EYS: variants seen among roughly 807,000 people sequenced by gnomAD.
EYS encodes the protein EGF-like photoreceptor maintenance factor.
In EYS, 250 loss-of-function variants were observed where a neutral mutation model predicts 282.1. The observed-to-expected ratio is 0.89, with a 90% CI of 0.80 to 0.98. The LOEUF (loss-of-function observed/expected upper bound fraction) is 0.98. EYS is among the 50% of genes least tolerant of loss of function. The pLI, the probability that EYS is intolerant of heterozygous loss-of-function variation, is 0.00. For synonymous variants in EYS, 1,355 were observed against 1,282.9 expected (o/e 1.06, Z -1.20); for missense variants, 4,016 against 3,709.0 (o/e 1.08, Z -2.15).
intron 24 of EYS, among the ~76,000 whole-genome samples, chr6:64,604,490 G>A (rs1352038890): frequency 6.6e-6 from 1 of 151,986 alleles, no homozygotes; most frequent in East Asian, 1.9e-4. Flanking sequence ...CAGAGTAGAA[G>A]CACACAAGCT....
intron 12 of EYS, among the ~76,000 whole-genome samples, chr6:65,058,981 A>AT (rs1316229326): frequency 1.3e-5 from 2 of 152,138 alleles, no homozygotes; most frequent in Admixed American, 6.6e-5. Context: ...CCTACATCAA[A>AT]TTAATCTAAT....
intron 42 of EYS, 58 bp from the exon 43 acceptor site, chr6:63,721,855 T>C (rs569380487): frequency 6.8e-7 from 1 of 1,471,642 alleles, no homozygotes; most frequent in Admixed American, 2.6e-5. Context: ...CATTGAAAAC[T>C]TTTGCTGTTT....
intron 35 of EYS, among the ~76,000 whole-genome samples, chr6:63,937,938 G>T (rs1006452084): frequency 6.6e-6 from 1 of 152,120 alleles, no homozygotes; most frequent in Non-Finnish European, 1.5e-5. Context: ...ACAAATTTCC[G>T]CTGTGTCAAA....
At position 63,789,235 on chromosome 6, in the gene EYS, A is replaced by G. The variant is rs995220951; in HGVS notation, c.7412-11T>C. The G allele has an allele frequency of 6.4e-7, 1 of 1,550,390 alleles. No homozygotes were observed. Among genetic ancestry groups the G allele is most frequent in the African/African-American group, 1.4e-5 (1 of 73,012 alleles). ...CATCGCCATTCAACCCTGGAATGAGAAGACACATGGGGAATGCTCACTGAG... is the reference window on the plus strand; with the variant it reads ...CATCGCCATTCAACCCTGGAATGAGGAGACACATGGGGAATGCTCACTGAG... On this transcript the variant is annotated splice_polypyrimidine_tract_variant and intron_variant, in intron 37 of 42. Transcript: ENST00000503581.
At chr6:65,064,470 GTA>G (rs1392108674) in intron 12 of EYS, among the ~76,000 whole-genome samples, 2 of 144,442 alleles carry the variant, frequency 1.4e-5, no homozygotes, top group African/African-American at 2.5e-5. Context: ...ATGATATATA[GTA>G]TATGATATAT....
chr6:65,195,191 T>C (rs1397337075), intron 12 of EYS, among the ~76,000 whole-genome samples: 1 of 152,066 alleles, frequency 6.6e-6, no homozygotes, highest in Non-Finnish European at 1.5e-5. Context: ...GACTTTCATA[T>C]ACTTTTAGAA....
intron 15 of EYS, among the ~76,000 whole-genome samples, chr6:64,933,464 C>G (rs769536718): frequency 1.3e-5 from 2 of 152,032 alleles, no homozygotes; most frequent in African/African-American, 2.4e-5. Context: ...GAATGGCAAT[C>G]ATTAAAAATC....
chr6:64,312,524 G>T (rs1024962831), intron 29 of EYS, among the ~76,000 whole-genome samples: 3 of 152,196 alleles, frequency 2.0e-5, no homozygotes, highest in Non-Finnish European at 4.4e-5. Context: ...CATCGTTTGA[G>T]CTCTGTTAAG....
At chr6:64,893,097 A>G (rs1767338957) in intron 18 of EYS, among the ~76,000 whole-genome samples, 1 of 152,094 alleles carries the variant, frequency 6.6e-6, no homozygotes, top group Admixed American at 6.6e-5. Context: ...GTAGATGGAT[A>G]CTATTGTGAG....
At chr6:64,081,283 C>T (rs957904658) in intron 32 of EYS, among the ~76,000 whole-genome samples, 2 of 152,074 alleles carry the variant, frequency 1.3e-5, no homozygotes, top group Non-Finnish European at 2.9e-5. Flanking sequence ...GATGTTCATT[C>T]ACAGAAGAAA....
At chr6:64,081,785 A>G in intron 32 of EYS, 71 bp downstream of exon 32, 1 of 1,220,424 alleles carries the variant, frequency 8.2e-7, no homozygotes, top group Non-Finnish European at 1.1e-6. Context: ...AAATGAATAA[A>G]TCATTGATTC....
At chr6:65,618,772 G>C (rs1313756345) in intron 2 of EYS, among the ~76,000 whole-genome samples, 1 of 152,072 alleles carries the variant, frequency 6.6e-6, no homozygotes, top group Non-Finnish European at 1.5e-5. Context: ...TTCTACATAT[G>C]GCTAGCCAGT....
chr6:65,439,710 A>G (rs1768231673), intron 5 of EYS, among the ~76,000 whole-genome samples: 2 of 152,040 alleles, frequency 1.3e-5, no homozygotes, highest in Non-Finnish European at 2.9e-5. Flanking sequence ...GTATCCTGAG[A>G]CTTTGCTGAA....
intron 22 of EYS, among the ~76,000 whole-genome samples, chr6:64,786,388 A>G (rs954224947): frequency 2.6e-5 from 4 of 152,032 alleles, no homozygotes; most frequent in African/African-American, 9.7e-5. Flanking sequence ...TGATTTGCAT[A>G]GGGCTCAGGG....
At chr6:64,526,700 G>A (rs779765286) in intron 26 of EYS, among the ~76,000 whole-genome samples, 1 of 151,802 alleles carries the variant, frequency 6.6e-6, no homozygotes, top group Non-Finnish European at 1.5e-5. Flanking sequence ...GATTAGGAGT[G>A]AGATGTGAAG....
intron 12 of EYS, among the ~76,000 whole-genome samples, chr6:65,223,229 T>C (rs1766520122): frequency 6.6e-6 from 1 of 151,828 alleles, no homozygotes; most frequent in Non-Finnish European, 1.5e-5. Flanking sequence ...TAGCTGGGCG[T>C]GGTGGTAGGC....
intron 28 of EYS, among the ~76,000 whole-genome samples, chr6:64,433,735 T>A (rs78475289): frequency 3.2e-3 from 492 of 152,152 alleles, no homozygotes; most frequent in Non-Finnish European, 4.9e-3. Flanking sequence ...GAAAAATATG[T>A]ATTCTTGGGA....
chr6:63,848,927 C>T (rs896754352), intron 36 of EYS, among the ~76,000 whole-genome samples: 1 of 152,208 alleles, frequency 6.6e-6, no homozygotes, highest in Admixed American at 6.5e-5. Flanking sequence ...AAGCTAAGAT[C>T]CACTGGCTTG....
intron 36 of EYS, among the ~76,000 whole-genome samples, chr6:63,813,369 T>C (rs1211917307): frequency 6.6e-6 from 1 of 152,222 alleles, no homozygotes; most frequent in Non-Finnish European, 1.5e-5. Context: ...ATTTAATATT[T>C]GAAAATAATG....
Sources: gnomAD v4.1 joint callset for allele counts (sites outside exome capture counted in the v4.1 genomes callset) on GRCh38, gnomAD v4.1.1 for gene constraint, MANE v1.5 for transcripts, NCBI Gene and HGNC (gene_info 2026-07-23, HGNC 2026-07-21) for gene names.